SRP54: variants seen among roughly 807,000 people sequenced by gnomAD.
SRP54 encodes the protein signal recognition particle subunit SRP54.
SRP54 carries 10 observed loss-of-function variants against 64.8 expected under a neutral mutation model. That is an observed-to-expected ratio of 0.15 (90% CI 0.10 to 0.26). The LOEUF (loss-of-function observed/expected upper bound fraction) is 0.26, where lower values mean the gene tolerates loss of function less well. Among genes scored for constraint, SRP54 ranks in the 10% least tolerant of loss-of-function variants. The probability of loss-of-function intolerance (pLI) is 1.00; values close to 1 mark genes in which losing one functional copy is unlikely to be tolerated. For missense variants in SRP54, 325 were observed against 613.7 expected (o/e 0.53, Z 4.97); for synonymous variants, 193 against 185.6 (o/e 1.04, Z -0.32).
chr14:34,987,259 A>ATATG (rs1555352662), intron 1 of SRP54, among the ~76,000 whole-genome samples: 22 of 113,448 alleles, frequency 1.9e-4, no homozygotes, highest in African/African-American at 3.3e-4. Context: ...ATATATATAT[A>ATATG]TGTGTGTGTG....
intron 4 of SRP54, among the ~76,000 whole-genome samples, chr14:35,006,378 G>A (rs1444082097): frequency 6.6e-6 from 1 of 152,158 alleles, no homozygotes; most frequent in African/African-American, 2.4e-5. Flanking sequence ...TCTCGAGTAT[G>A]GCATCCACTA....
intron 1 of SRP54, among the ~76,000 whole-genome samples, chr14:34,991,669 A>G (rs1407400626): frequency 6.8e-6 from 1 of 147,344 alleles, no homozygotes; most frequent in Non-Finnish European, 1.5e-5. Flanking sequence ...TGAGGTGGAA[A>G]TGTGTAGCAG....
chr14:34,987,230 GAAAAAAAAAA>G (rs199590717), intron 1 of SRP54, among the ~76,000 whole-genome samples: 1 of 124,318 alleles, frequency 8.0e-6, no homozygotes, highest in African/African-American at 3.2e-5. Flanking sequence ...CACTACATCT[GAAAAAAAAAA>G]AAAAAAATAT....
chr14:34,989,484 C>A (rs1295674715), intron 1 of SRP54, among the ~76,000 whole-genome samples: 3 of 151,822 alleles, frequency 2.0e-5, no homozygotes, highest in Non-Finnish European at 4.4e-5. Context: ...AAAAAAAGAA[C>A]TTTTTTGTAG....
rs774024039 is a variant in SRP54 at position 35,007,275 on chromosome 14, G to C, written c.256-8G>C. On this transcript the variant is annotated splice_region_variant and splice_polypyrimidine_tract_variant and intron_variant, in intron 4 of 15. Coordinates refer to ENST00000216774, the MANE Select transcript of SRP54 (RefSeq NM_003136.4). ...TGATTTTATTTTTAATTTATTTTTG[G>C]TATTTAGCTTGTAGACCCTGGAGTT... The C allele has an allele frequency of 6.5e-7, 1 of 1,536,448 alleles. No individual in the cohort carries two copies. The highest frequency in any genetic ancestry group is 1.4e-5 in the African/African-American group (1 of 73,160).
chr14:35,019,311 C>T (rs996107329), intron 13 of SRP54: 8 of 327,008 alleles, frequency 2.4e-5, no homozygotes, highest in African/African-American at 1.7e-4. Context: ...GGAAAGAACA[C>T]TAGTTCTTCA....
intron 11 of SRP54, among the ~76,000 whole-genome samples, chr14:35,016,520 C>T (rs1486361778): frequency 6.6e-6 from 1 of 152,222 alleles, no homozygotes; most frequent in Non-Finnish European, 1.5e-5. Flanking sequence ...TCTCCTCTGG[C>T]CAAGATGGCT....
At chr14:34,995,741 A>G (rs1464758126) in intron 1 of SRP54, among the ~76,000 whole-genome samples, 1 of 152,110 alleles carries the variant, frequency 6.6e-6, no homozygotes, top group Non-Finnish European at 1.5e-5. Flanking sequence ...TCAGAATTTT[A>G]TTTTCGGTTC....
At chr14:35,021,632 CA>C (rs11373911) in intron 13 of SRP54, among the ~76,000 whole-genome samples, 63 of 132,110 alleles carry the variant, frequency 4.8e-4, no homozygotes, top group Middle Eastern at 8.0e-3. Flanking sequence ...CACTCTGTCT[CA>C]AAAAAAAAAA....
At chr14:35,008,576 A>C in intron 5 of SRP54, 51 bp from the exon 6 acceptor site, 1 of 1,230,276 alleles carries the variant, frequency 8.1e-7, no homozygotes, top group Non-Finnish European at 1.1e-6. Flanking sequence ...AATTATATGT[A>C]TAGTTTGTTA....
intron 1 of SRP54, 120 bp from the exon 2 acceptor site, chr14:34,996,557 A>G: frequency 1.7e-6 from 1 of 596,078 alleles, no homozygotes; most frequent in Non-Finnish European, 3.0e-6. Context: ...GGTTGAGGCT[A>G]TGGAAGGTGA....
At chr14:35,004,593 C>A (rs569116660) in intron 4 of SRP54, 1 of 152,018 alleles carries the variant, frequency 6.6e-6, no homozygotes, top group Admixed American at 6.5e-5. Context: ...ATAAAGAAGC[C>A]CTGAGACCAA....
chr14:35,017,336 A>G (rs1290443774), intron 11 of SRP54, among the ~76,000 whole-genome samples: 1 of 152,098 alleles, frequency 6.6e-6, no homozygotes, highest in Non-Finnish European at 1.5e-5. Context: ...TAATTTCCAC[A>G]TGTAGTGACC....
intron 13 of SRP54, among the ~76,000 whole-genome samples, chr14:35,021,976 T>C (rs2044538135): frequency 6.6e-6 from 1 of 152,192 alleles, no homozygotes; most frequent in Non-Finnish European, 1.5e-5. Context: ...ATCAAACAAC[T>C]GCGGGAATTA....
chr14:35,026,368 C>T (rs1389022819), intron 14 of SRP54, among the ~76,000 whole-genome samples: 3 of 151,976 alleles, frequency 2.0e-5, no homozygotes, highest in African/African-American at 7.2e-5. Context: ...GCTGAGACTA[C>T]AGACGCATGC....
chr14:35,008,253 A>G (rs1350503257), intron 5 of SRP54, among the ~76,000 whole-genome samples: 4 of 152,212 alleles, frequency 2.6e-5, no homozygotes, highest in Non-Finnish European at 5.9e-5. Flanking sequence ...CCCAAATTGC[A>G]TGTCTCAACA....
At chr14:35,024,358 C>G (rs184201723) in intron 14 of SRP54, among the ~76,000 whole-genome samples, 2 of 152,210 alleles carry the variant, frequency 1.3e-5, no homozygotes, top group East Asian at 1.9e-4. Context: ...TGAATATTTT[C>G]TCAATATGTG....
At chr14:34,987,246 A>AT (rs759707249) in intron 1 of SRP54, among the ~76,000 whole-genome samples, 3,237 of 109,490 alleles carry the variant, frequency 0.03, 123 homozygotes, top group African/African-American at 0.084. Flanking sequence ...AAAAAAAAAA[A>AT]ATATATATAT....
At chr14:35,003,562 G>T (rs912738001) in intron 4 of SRP54, among the ~76,000 whole-genome samples, 13 of 113,898 alleles carry the variant, frequency 1.1e-4, no homozygotes, top group South Asian at 6.2e-4. Context: ...TTGTTTTTTT[G>T]GTTTTTTTGG....
Sources: allele counts gnomAD v4.1 joint callset (sites outside exome capture counted in the v4.1 genomes callset), GRCh38; gene constraint gnomAD v4.1.1; transcripts MANE v1.5; gene names NCBI Gene and HGNC (gene_info 2026-07-23, HGNC 2026-07-21).